ZDHHC5: variants seen among roughly 807,000 people sequenced by gnomAD.
The protein encoded by ZDHHC5 is palmitoyltransferase ZDHHC5.
ZDHHC5 carries 22 observed loss-of-function variants against 70.0 expected under a neutral mutation model. The observed-to-expected ratio is 0.31, with a 90% confidence interval of 0.22 to 0.45. The LOEUF (loss-of-function observed/expected upper bound fraction) is 0.45. Ranked by LOEUF, ZDHHC5 falls within the 20% of genes least tolerant of loss-of-function variation. The pLI is 1.00. For missense variants in ZDHHC5, 746 were observed against 926.9 expected (o/e 0.80, Z 2.53); for synonymous variants, 313 against 347.8 (o/e 0.90, Z 1.11).
At chr11:57,684,231 T>G (rs1201051096) in intron 3 of ZDHHC5, among the ~76,000 whole-genome samples, 2 of 152,178 alleles carry the variant, frequency 1.3e-5, no homozygotes, top group Non-Finnish European at 2.9e-5. Flanking sequence ...TGCCTCAGCT[T>G]CCCAATGTGC....
At chr11:57,699,446 A>C (rs374908974) in intron 11 of ZDHHC5, 28 bp downstream of exon 11, 2 of 1,521,816 alleles carry the variant, frequency 1.3e-6, no homozygotes, top group East Asian at 4.5e-5. Flanking sequence ...CCTGACCCTT[A>C]GCCAATTTCA....
At chr11:57,689,793 C>T (rs866443405) in intron 4 of ZDHHC5, among the ~76,000 whole-genome samples, 18 of 152,050 alleles carry the variant, frequency 1.2e-4, no homozygotes, top group Middle Eastern at 6.8e-3. Context: ...GCTCAAGCCC[C>T]AGCCCCCCAA....
rs1024632973 is a variant in ZDHHC5 at position 57,672,369 on chromosome 11, C to G, written c.-722C>G. 2 of 396,044 alleles carry G rather than the reference C, an allele frequency of 5.0e-6. No individual in the cohort carries two copies. The highest frequency in any genetic ancestry group is 8.9e-6 in the Non-Finnish European group (2 of 225,084). The allele number at this position is 396,044 out of a possible 1,614,324, so 24.5% of individuals were successfully genotyped here. A position where few individuals can be genotyped will look rare whatever the true frequency, so the allele number is the denominator to read the frequency against. ...GATTTACAGCTCAAACTTAGAACAG[C>G]TGTTGTCCAGCTTTAGCCATCAAGA... is the stretch of plus-strand genomic sequence containing the variant. On this transcript the variant is annotated 5_prime_UTR_variant, in exon 2 of 12. Transcript: ENST00000287169.
chr11:57,688,237 A>G (rs1412049764), intron 3 of ZDHHC5, among the ~76,000 whole-genome samples: 2 of 152,210 alleles, frequency 1.3e-5, no homozygotes, highest in Non-Finnish European at 2.9e-5. Context: ...CTTAAACCAA[A>G]TAACACCAGC....
At chr11:57,699,518 A>T (rs1946412160) in intron 11 of ZDHHC5, 100 bp downstream of exon 11, 1 of 1,483,222 alleles carries the variant, frequency 6.7e-7, no homozygotes, top group African/African-American at 1.4e-5. Context: ...ATGTAGGTGG[A>T]CCCAGGGGTA....
chr11:57,695,788 C>G, intron 8 of ZDHHC5, 132 bp from the exon 9 acceptor site: 1 of 1,195,386 alleles, frequency 8.4e-7, no homozygotes, highest in Non-Finnish European at 1.1e-6. Flanking sequence ...AGAGTGAGAC[C>G]TTGTCTCAAA....
chr11:57,672,675 T>G lies in ZDHHC5; in HGVS notation c.-416T>G. ...TTCTTTGCCCAAAGTTTTTTTGCCA[T>G]ACCCTGATATTCTCTCCTTCTTTTG... On this transcript the variant is annotated 5_prime_UTR_variant, in exon 2 of 12. Coordinates refer to ENST00000287169, the MANE Select transcript of ZDHHC5 (RefSeq NM_015457.3). 5.5e-6 allele frequency: 1 copy of G among 182,870 alleles called. No individual in the cohort carries two copies. The allele number at this position is 182,870 out of a possible 1,614,324, so 11.3% of individuals were successfully genotyped here. A position where few individuals can be genotyped will look rare whatever the true frequency, so the allele number is the denominator to read the frequency against.
Position 57,699,099 on chromosome 11 carries a change from C to T in ZDHHC5, c.1663C>T (p.Pro555Ser), listed in dbSNP as rs750112392. 2.5e-6 allele frequency: 4 copies of T among 1,613,772 alleles called. No individual in the cohort carries two copies. Among genetic ancestry groups the T allele is most frequent in the Non-Finnish European group, 3.4e-6 (4 of 1,179,832 alleles). Residue 555 changes from proline to serine, a missense_variant, in exon 11 of 12, where the codon CCC (proline) becomes TCC (serine). Pro to Ser is a moderately conservative substitution (Grantham distance 74). Coordinates refer to ENST00000287169, the MANE Select transcript of ZDHHC5 (RefSeq NM_015457.3). ...ACGAGAGAAGTTGCTGCGCCAGTCA[C>T]CCCCACTCCCGGGCCGTGAGGAAGA... ...QEREKLLRQS[P>S]PLPGREEEPG...
intron 8 of ZDHHC5, among the ~76,000 whole-genome samples, chr11:57,694,323 T>C (rs1397213206): frequency 1.3e-5 from 2 of 151,752 alleles, no homozygotes; most frequent in African/African-American, 4.8e-5. Context: ...CACTTACTAA[T>C]TTGGGTTAAA....
chr11:57,669,307 C>T (rs561555828), intron 1 of ZDHHC5, among the ~76,000 whole-genome samples: 1 of 152,258 alleles, frequency 6.6e-6, no homozygotes, highest in East Asian at 1.9e-4. Flanking sequence ...GTTGTGTTGT[C>T]CTTGGTACTG....
chr11:57,695,509 T>C (rs1302389368), intron 8 of ZDHHC5, among the ~76,000 whole-genome samples: 4 of 152,054 alleles, frequency 2.6e-5, no homozygotes, highest in African/African-American at 9.7e-5. Flanking sequence ...AAATATATGA[T>C]AGGCAGTGGC....
chr11:57,691,174 C>T (rs1304437967), intron 6 of ZDHHC5, among the ~76,000 whole-genome samples: 1 of 151,968 alleles, frequency 6.6e-6, no homozygotes, highest in Non-Finnish European at 1.5e-5. Context: ...TGGGTTCAAG[C>T]GATTCTCCTG....
chr11:57,678,129 G>A (rs1237971999), intron 2 of ZDHHC5, among the ~76,000 whole-genome samples: 2 of 152,210 alleles, frequency 1.3e-5, no homozygotes, highest in African/African-American at 4.8e-5. Context: ...TGGGCAGAAT[G>A]CATAGACCTA....
intron 3 of ZDHHC5, among the ~76,000 whole-genome samples, chr11:57,687,866 G>A (rs1217179300): frequency 6.8e-6 from 1 of 146,110 alleles, no homozygotes; most frequent in East Asian, 2.3e-4. Flanking sequence ...CACTTCCCGG[G>A]TTCAAGCGAT....
chr11:57,678,450 A>G (rs964899880), intron 2 of ZDHHC5, among the ~76,000 whole-genome samples: 2 of 151,632 alleles, frequency 1.3e-5, no homozygotes, highest in African/African-American at 4.8e-5. Flanking sequence ...GGGCGCCTGT[A>G]GTCCCAGCTA....
chr11:57,673,946 A>G (rs1451331840), intron 2 of ZDHHC5, among the ~76,000 whole-genome samples: 1 of 152,192 alleles, frequency 6.6e-6, no homozygotes, highest in African/African-American at 2.4e-5. Flanking sequence ...GTGGAAACTG[A>G]GAGTATTGGA....
At chr11:57,695,873 T>C in intron 8 of ZDHHC5, 47 bp from the exon 9 acceptor site, 1 of 1,597,806 alleles carries the variant, frequency 6.3e-7, no homozygotes. Context: ...TGAGTTGCCA[T>C]AATGCTCAAT....
At chr11:57,691,975 C>G (rs1176151373) in intron 6 of ZDHHC5, among the ~76,000 whole-genome samples, 1 of 151,936 alleles carries the variant, frequency 6.6e-6, no homozygotes, top group Non-Finnish European at 1.5e-5. Flanking sequence ...ATAATAGTAG[C>G]TAACCTTAAT....
Position 57,698,956 on chromosome 11 carries a change from C to T in ZDHHC5, c.1520C>T (p.Ala507Val), listed in dbSNP as rs1397670068. ...YTSPFLSARLAQQREAERHPR... is the reference protein window; with the variant it reads ...YTSPFLSARLVQQREAERHPR... Reference sequence around the variant, plus strand: ...TCTCCCTTCCTGTCAGCCAGGCTGGCCCAGCAACGGGAAGCTGAGAGGCAC... The same window carrying T: ...TCTCCCTTCCTGTCAGCCAGGCTGGTCCAGCAACGGGAAGCTGAGAGGCAC... Residue 507 changes from alanine (A) to valine (V), a missense_variant, in exon 11 of 12, where the codon GCC becomes GTC. Physicochemically the swap from Ala to Val is moderately conservative, Grantham distance 64. Transcript: ENST00000287169. 2.5e-6 allele frequency: 4 copies of T among 1,613,176 alleles called. No homozygotes were observed. Among genetic ancestry groups the T allele is most frequent in the Non-Finnish European group, 2.5e-6 (3 of 1,179,974 alleles).
Sources: allele counts gnomAD v4.1 joint callset (sites outside exome capture counted in the v4.1 genomes callset), GRCh38; gene constraint gnomAD v4.1.1; transcripts MANE v1.5; gene names NCBI Gene and HGNC (gene_info 2026-07-23, HGNC 2026-07-21).